The following ECPAS variants were observed in gnomAD, a reference collection of about 807,000 sequenced individuals.
ECPAS encodes the protein Ecm29 proteasome adaptor and scaffold.
In ECPAS, 70 loss-of-function variants were observed where a neutral mutation model predicts 255.1. The observed-to-expected ratio is 0.27, with a 90% confidence interval of 0.23 to 0.33. ECPAS has a LOEUF of 0.33. ECPAS is among the 10% of genes least tolerant of loss of function. The pLI, the probability that ECPAS is intolerant of heterozygous loss-of-function variation, is 1.00. For missense variants in ECPAS, 1,817 were observed against 2,206.4 expected, an observed-to-expected ratio of 0.82 and a Z score of 3.54; for synonymous variants, 784 against 775.0, an observed-to-expected ratio of 1.01 and a Z score of -0.19.
intron 28 of ECPAS, 56 bp downstream of exon 28, chr9:111,392,712 T>C: frequency 8.6e-7 from 1 of 1,163,744 alleles, no homozygotes; most frequent in Admixed American, 2.2e-5. Context: ...ATCTTCTCAC[T>C]ATGTGTAGAG....
intron 41 of ECPAS, 46 bp downstream of exon 41, chr9:111,373,124 T>C (rs2098129373): frequency 6.9e-7 from 1 of 1,450,392 alleles, no homozygotes; most frequent in Non-Finnish European, 9.7e-7. Flanking sequence ...TACTGGGCTG[T>C]TAACATCTAA....
chr9:111,464,906 G>A (rs990503574), intron 2 of ECPAS, among the ~76,000 whole-genome samples: 8 of 152,092 alleles, frequency 5.3e-5, no homozygotes, highest in African/African-American at 7.2e-5. Flanking sequence ...AAATAAGGCC[G>A]GGCGTGGTGG....
At chr9:111,444,302 T>A (rs1214596053) in intron 4 of ECPAS, 76 bp downstream of exon 4, 1 of 933,886 alleles carries the variant, frequency 1.1e-6, no homozygotes, top group Non-Finnish European at 1.7e-6. Context: ...AACTTGCCAA[T>A]ATGTTGATGA....
intron 2 of ECPAS, among the ~76,000 whole-genome samples, chr9:111,454,657 A>G (rs1301041613): frequency 6.6e-6 from 1 of 152,266 alleles, no homozygotes; most frequent in Middle Eastern, 3.4e-3. Flanking sequence ...AAGTTTCACA[A>G]AAAAGAAGAA....
At chr9:111,469,529 C>T (rs529387811) in intron 2 of ECPAS, among the ~76,000 whole-genome samples, 17 of 150,860 alleles carry the variant, frequency 1.1e-4, no homozygotes, top group African/African-American at 3.2e-4. Context: ...GACTCCGTCC[C>T]GCCAGGCGCG....
intron 32 of ECPAS, among the ~76,000 whole-genome samples, chr9:111,385,946 T>C (rs2098147667): frequency 6.6e-6 from 1 of 152,224 alleles, no homozygotes; most frequent in South Asian, 2.1e-4. Flanking sequence ...ATATGCTTTT[T>C]GGTAGTTTTT....
chr9:111,443,289 C>T (rs1238560197), intron 4 of ECPAS, among the ~76,000 whole-genome samples: 1 of 152,184 alleles, frequency 6.6e-6, no homozygotes, highest in Non-Finnish European at 1.5e-5. Context: ...CTCGCTCTGT[C>T]ACCCAGGCTG....
intron 1 of ECPAS, chr9:111,483,848 T>TGCGACTCC (rs1002726305): frequency 3.5e-5 from 12 of 341,586 alleles, no homozygotes; most frequent in Middle Eastern, 3.0e-3. Context: ...GCGGCGGCTC[T>TGCGACTCC]GCGACTCCGC....
At chr9:111,414,019 A>C in intron 19 of ECPAS, 33 bp from the exon 20 acceptor site, 15 of 1,435,962 alleles carry the variant, frequency 1.0e-5, no homozygotes, top group Non-Finnish European at 1.4e-5. Context: ...CTTAAATTTC[A>C]AGAAAAGTAA....
chr9:111,468,586 GC>G (rs1564566535), intron 2 of ECPAS, among the ~76,000 whole-genome samples: 1 of 151,612 alleles, frequency 6.6e-6, no homozygotes, highest in East Asian at 1.9e-4. Context: ...TTAAAACAAG[GC>G]CTTTTCCTAG....
chr9:111,478,267 G>A (rs1046625184), intron 1 of ECPAS, among the ~76,000 whole-genome samples: 2 of 151,586 alleles, frequency 1.3e-5, no homozygotes, highest in Non-Finnish European at 2.9e-5. Context: ...AGTGGCTCAC[G>A]CCTGTAATCC....
intron 29 of ECPAS, among the ~76,000 whole-genome samples, chr9:111,391,342 C>T (rs2098159777): frequency 6.6e-6 from 1 of 152,116 alleles, no homozygotes; most frequent in Admixed American, 6.5e-5. Flanking sequence ...CTTTGGGAGG[C>T]CGAGGTGGGT....
intron 4 of ECPAS, 60 bp from the exon 5 acceptor site, chr9:111,442,484 AAT>A (rs1389918292): frequency 3.0e-6 from 3 of 999,984 alleles, no homozygotes; most frequent in African/African-American, 3.2e-5. Flanking sequence ...TTTCAATGAA[AAT>A]ATATGATTGA....
At chr9:111,448,499 A>G (rs752967043) in intron 3 of ECPAS, among the ~76,000 whole-genome samples, 2 of 152,212 alleles carry the variant, frequency 1.3e-5, no homozygotes, top group Non-Finnish European at 2.9e-5. Flanking sequence ...GCAAGCCAAG[A>G]TTATTAAAAC....
chr9:111,464,943 G>T (rs998198808), intron 2 of ECPAS, among the ~76,000 whole-genome samples: 4 of 152,234 alleles, frequency 2.6e-5, no homozygotes, highest in Admixed American at 2.0e-4. Flanking sequence ...CAGCACTTTG[G>T]GAGGCCAAGG....
At chr9:111,484,048 G>A (rs1032554794) in intron 1 of ECPAS, 68 bp downstream of exon 1, 15 of 1,091,494 alleles carry the variant, frequency 1.4e-5, no homozygotes, top group African/African-American at 1.0e-4. Flanking sequence ...CTGTGCGGGC[G>A]GCCCGGCCTA....
intron 1 of ECPAS, among the ~76,000 whole-genome samples, chr9:111,475,365 A>G (rs553372627): frequency 2.0e-5 from 3 of 152,342 alleles, no homozygotes; most frequent in East Asian, 1.9e-4. Context: ...AACAAGGTCA[A>G]TGCTCCTGTG....
chr9:111,479,567 T>G (rs1163115085), intron 1 of ECPAS, among the ~76,000 whole-genome samples: 1 of 152,100 alleles, frequency 6.6e-6, no homozygotes, highest in African/African-American at 2.4e-5. Flanking sequence ...CACTCCAGCC[T>G]GGGCGACAGA....
At chr9:111,468,121 G>T (rs1231622334) in intron 2 of ECPAS, among the ~76,000 whole-genome samples, 1 of 152,148 alleles carries the variant, frequency 6.6e-6, no homozygotes, top group African/African-American at 2.4e-5. Context: ...CTGCACTTCA[G>T]CCTGGGCATC....
Sources: allele counts gnomAD v4.1 joint callset (sites outside exome capture counted in the v4.1 genomes callset), GRCh38; gene constraint gnomAD v4.1.1; transcripts MANE v1.5; gene names NCBI Gene and HGNC (gene_info 2026-07-23, HGNC 2026-07-21).